UBAP2L: variants seen among roughly 807,000 people sequenced by gnomAD.
UBAP2L encodes the protein ubiquitin-associated protein 2-like.
UBAP2L carries 12 observed loss-of-function variants against 130.6 expected under a neutral mutation model. That is an observed-to-expected ratio of 0.09 (90% CI 0.06 to 0.15). UBAP2L has a LOEUF of 0.15. Ranked by LOEUF, UBAP2L falls within the 10% of genes least tolerant of loss-of-function variation. The probability of loss-of-function intolerance (pLI) is 1.00; values close to 1 mark genes in which losing one functional copy is unlikely to be tolerated. For missense variants in UBAP2L, 965 were observed against 1,332.5 expected (o/e 0.72, Z 4.29); for synonymous variants, 503 against 524.7 (o/e 0.96, Z 0.57).
rs750639357 is a variant in UBAP2L, at chr1:154,234,652, C to T, written c.341C>T (p.Thr114Met). 6.9e-5 allele frequency: 112 copies of T among 1,613,868 alleles called. No homozygotes were observed. The highest frequency in any genetic ancestry group is 8.7e-5 in the Non-Finnish European group (103 of 1,179,988). Reference protein sequence around the residue: ...GVSGQKDGGQTESNEEGKENR... With the variant: ...GVSGQKDGGQMESNEEGKENR... The stretch of plus-strand genomic sequence containing the variant: ...TCAGGCCAGAAGGATGGTGGCCAGA[C>T]GGAATCCAATGAGGAAGGCAAAGAA... Residue 114 changes from threonine to methionine, a missense_variant, in exon 5 of 27, where the codon ACG (threonine) becomes ATG (methionine). By Grantham distance (81) the Thr-to-Met change is moderately conservative (BLOSUM62 -1). This residue lies in a region of UBAP2L where 109 missense variants were observed against 146.6 expected (regional missense o/e 0.74). Transcript: ENST00000428931.
intron 3 of UBAP2L, among the ~76,000 whole-genome samples, chr1:154,227,796 C>G (rs1171784327): frequency 6.6e-6 from 1 of 152,146 alleles, no homozygotes; most frequent in Non-Finnish European, 1.5e-5. Flanking sequence ...GATCTGCCTG[C>G]CTCAGCCTCC....
chr1:154,251,393 G>A, intron 13 of UBAP2L, 75 bp downstream of exon 13: 2 of 1,575,910 alleles, frequency 1.3e-6, no homozygotes, highest in Non-Finnish European at 1.7e-6. Context: ...AAAAGGGTAA[G>A]TTTGGAAATT....
intron 26 of UBAP2L, 44 bp downstream of exon 26, chr1:154,268,998 C>T (rs1179156717): frequency 6.2e-6 from 10 of 1,605,480 alleles, no homozygotes. Flanking sequence ...CTCTTCCTTC[C>T]TATCCCTTAA....
Position 154,257,333 on chromosome 1 carries a change from A to G in UBAP2L, c.2354-13A>G. 6.2e-7 allele frequency: 1 copy of G among 1,614,086 alleles called. No homozygotes were observed. Among genetic ancestry groups the G allele is most frequent in the Non-Finnish European group, 8.5e-7 (1 of 1,180,008 alleles). On this transcript the variant is annotated splice_polypyrimidine_tract_variant and intron_variant, in intron 19 of 26. Coordinates refer to ENST00000428931, the MANE Select transcript of UBAP2L (RefSeq NM_014847.4). ...AATTGTGTGATGGGATAAAAATGTAATTTCTCTTTTAGGAAAAGCTCCTCC... is the reference window on the plus strand; with the variant it reads ...AATTGTGTGATGGGATAAAAATGTAGTTTCTCTTTTAGGAAAAGCTCCTCC...
In UBAP2L at chr1:154,249,509, G is replaced by T. The variant is rs1676768812; in HGVS notation, c.1213+72G>T. ...ACTGTCAAGAGGCTAGCAGGGGGAG[G>T]GGGTGGAGAATGTGTCCTGAAGTGA... On this transcript the variant is annotated intron_variant, in intron 12 of 26. Coordinates refer to ENST00000428931, the MANE Select transcript of UBAP2L (RefSeq NM_014847.4). 2.7e-5 allele frequency: 43 copies of T among 1,589,506 alleles called. No individual in the cohort carries two copies. The South Asian group carries it at 4.4e-4, about 16-fold the overall frequency.
At position 154,244,456 on chromosome 1, in the gene UBAP2L, A is replaced by G. The variant is rs547369609; in HGVS notation, c.842+1154A>G. 2.2e-3 allele frequency among the ~76,000 whole-genome samples: 342 copies of G among 152,158 alleles called. 2 individuals are homozygous for G. The highest frequency in any genetic ancestry group is 7.9e-3 in the African/African-American group (328 of 41,542). ...AGTGGCGTGATCTTGGCTCACTGCA[A>G]CCTTCTCCTGGGTTCAAGCCATTCT... On this transcript the variant is annotated intron_variant, in intron 10 of 26. Coordinates refer to ENST00000428931, the MANE Select transcript of UBAP2L (RefSeq NM_014847.4).
Position 154,251,695 on chromosome 1 carries a change from T to C in UBAP2L, c.1664+42T>C, listed in dbSNP as rs780404522. 7 of 1,603,914 alleles carry C rather than the reference T, an allele frequency of 4.4e-6. No homozygotes were observed. In the South Asian group the frequency reaches 7.8e-5, roughly 18 times the overall value. ...CCATAAGACCTCTCTTATTAACCTTTACTACTTTTTTAATCTGTGGGAGAT... is the reference window on the plus strand; with the variant it reads ...CCATAAGACCTCTCTTATTAACCTTCACTACTTTTTTAATCTGTGGGAGAT... On this transcript the variant is annotated intron_variant, in intron 14 of 26. Coordinates refer to ENST00000428931, the MANE Select transcript of UBAP2L (RefSeq NM_014847.4).
At position 154,227,210 on chromosome 1, in the gene UBAP2L, G is replaced by T. The variant is rs1475247909; in HGVS notation, c.91-72G>T. 4 of 1,369,264 alleles carry T rather than the reference G, an allele frequency of 2.9e-6. No individual in the cohort carries two copies. The East Asian group carries it at 9.2e-5, about 32-fold the overall frequency. 84.8% of individuals were successfully genotyped at this position (1,369,264 alleles called of 1,614,324 possible). On this transcript the variant is annotated intron_variant, in intron 2 of 26. Coordinates refer to ENST00000428931, the MANE Select transcript of UBAP2L (RefSeq NM_014847.4). Reference sequence around the variant, plus strand: ...AAAGAAAATTGGGGCAGTGGAGGCTGACGAAATAGGTTCCTGTTCTCTAAA... The same window carrying T: ...AAAGAAAATTGGGGCAGTGGAGGCTTACGAAATAGGTTCCTGTTCTCTAAA...
chr1:154,236,913 G>A, intron 7 of UBAP2L, 111 bp from the exon 8 acceptor site: 1 of 814,374 alleles, frequency 1.2e-6, no homozygotes, highest in Admixed American at 2.4e-5. Context: ...TATAGAATGG[G>A]GCCATGACAG....
intron 22 of UBAP2L, 99 bp downstream of exon 22, chr1:154,260,128 A>G (rs1681043536): frequency 7.6e-7 from 1 of 1,307,338 alleles, no homozygotes; most frequent in Admixed American, 1.8e-5. Context: ...ATAAATCAGG[A>G]TTGGTAGATT....
At chr1:154,229,686 A>G (rs1008116675) in intron 4 of UBAP2L, among the ~76,000 whole-genome samples, 1 of 151,100 alleles carries the variant, frequency 6.6e-6, no homozygotes, top group East Asian at 2.0e-4. Flanking sequence ...CTGATTTCAA[A>G]CTCCTGGACT....
At chr1:154,236,067 T>G (rs1382293834) in intron 6 of UBAP2L, among the ~76,000 whole-genome samples, 2 of 152,180 alleles carry the variant, frequency 1.3e-5, no homozygotes, top group Non-Finnish European at 2.9e-5. Context: ...GACATGGTAG[T>G]CTGAGAGCAA....
chr1:154,257,646 A>AT, intron 20 of UBAP2L: 1 of 580,770 alleles, frequency 1.7e-6, no homozygotes. Context: ...AAATTCATAT[A>AT]TAAACAGCGT....
chr1:154,231,288 CTTT>C (rs5777894), intron 4 of UBAP2L, among the ~76,000 whole-genome samples: 1 of 138,350 alleles, frequency 7.2e-6, no homozygotes, highest in Non-Finnish European at 1.5e-5. Flanking sequence ...CCACACTTGG[CTTT>C]TTTTTTTTTT....
At chr1:154,259,564 T>A (rs543289339) in intron 21 of UBAP2L, among the ~76,000 whole-genome samples, 15 of 152,256 alleles carry the variant, frequency 9.9e-5, no homozygotes, top group African/African-American at 3.6e-4. Flanking sequence ...TATAGCCCAG[T>A]AAAGTACTCT....
intron 25 of UBAP2L, among the ~76,000 whole-genome samples, chr1:154,267,152 T>G (rs1488253029): frequency 1.4e-5 from 1 of 72,160 alleles, no homozygotes; most frequent in Non-Finnish European, 3.3e-5. Flanking sequence ...ATCCAACGAG[T>G]TTTTTTTTTT....
chr1:154,247,284 G>A (rs1675844396), intron 11 of UBAP2L, among the ~76,000 whole-genome samples: 1 of 152,154 alleles, frequency 6.6e-6, no homozygotes, highest in Non-Finnish European at 1.5e-5. Context: ...TTTTGTGTGT[G>A]TTAAGTTAGT....
intron 25 of UBAP2L, among the ~76,000 whole-genome samples, chr1:154,268,226 C>T (rs1683936886): frequency 6.8e-6 from 1 of 147,968 alleles, no homozygotes. Flanking sequence ...GAGTCTCCCT[C>T]TGTCTCCCAG....
At chr1:154,245,143 C>G (rs928755293) in intron 10 of UBAP2L, among the ~76,000 whole-genome samples, 1 of 152,138 alleles carries the variant, frequency 6.6e-6, no homozygotes, top group Non-Finnish European at 1.5e-5. Context: ...CCAGGCTGGT[C>G]TCAAACTCCT....
Sources: gnomAD v4.1 joint callset for allele counts (sites outside exome capture counted in the v4.1 genomes callset) on GRCh38, gnomAD v4.1.1 for gene constraint, gnomAD v4.1.1 regional missense constraint, MANE v1.5 for transcripts, NCBI Gene and HGNC (gene_info 2026-07-23, HGNC 2026-07-21) for gene names.